The following PSG1 variants were observed in gnomAD, a reference collection of about 807,000 sequenced individuals.
The protein encoded by PSG1 is pregnancy specific beta-1-glycoprotein 1.
PSG1 carries 60 observed loss-of-function variants against 41.4 expected under a neutral mutation model. The ratio of observed to expected loss-of-function variants is 1.45; its 90% CI spans 1.18 to 1.80. The LOEUF (loss-of-function observed/expected upper bound fraction) is 1.80. Among genes scored for constraint, PSG1 ranks in the 40% most tolerant of loss-of-function variants. The pLI, the probability that PSG1 is intolerant of heterozygous loss-of-function variation, is 0.00. For missense variants in PSG1, 806 were observed against 516.9 expected, an observed-to-expected ratio of 1.56 and a Z score of -5.42; for synonymous variants, 256 against 192.9, an observed-to-expected ratio of 1.33 and a Z score of -2.71.
Position 42,876,420 on chromosome 19 carries a change from A to T in PSG1, c.430+1493T>A, listed in dbSNP as rs181939877. ...GAGGTAGTGGGGGGATGAAACATGG[A>T]TGTCAGCCTCTGAAGGACAAGGGAC... On this transcript the variant is annotated intron_variant, in intron 2 of 5. Transcript: ENST00000436291. 5.3e-5 allele frequency among the ~76,000 whole-genome samples: 8 copies of T among 151,460 alleles called. 1 individual carries two copies. The South Asian group carries it at 1.1e-3, about 20-fold the overall frequency.
intron 5 of PSG1, 86 bp from the exon 6 acceptor site, chr19:42,867,236 A>AT: frequency 2.6e-6 from 2 of 755,766 alleles, no homozygotes; most frequent in South Asian, 1.4e-5. Flanking sequence ...TTTCCACATA[A>AT]TTTTTCCCTC....
chr19:42,868,426 G>C (rs1277349215), intron 4 of PSG1, 71 bp from the exon 5 acceptor site: 10 of 1,494,398 alleles, frequency 6.7e-6, no homozygotes, highest in Non-Finnish European at 7.3e-6. Context: ...CTCTTAAAGG[G>C]ACACAGTGAC....
intron 2 of PSG1, among the ~76,000 whole-genome samples, chr19:42,875,532 C>G (rs527708015): frequency 2.6e-5 from 4 of 151,550 alleles, no homozygotes; most frequent in Admixed American, 1.3e-4. Context: ...CTCATCCATA[C>G]CTATGACTAA....
intron 5 of PSG1, chr19:42,867,700 T>A (rs772915988): frequency 7.4e-6 from 6 of 807,838 alleles, no homozygotes; most frequent in Non-Finnish European, 1.3e-5. Context: ...AAAGTAAATG[T>A]TTCAATTACG....
rs758094879 is a variant in PSG1, at chr19:42,868,124, T to G, written c.1220A>C (p.Lys407Thr). Residue 407 changes from lysine to threonine, a missense_variant, in exon 5 of 6, where the codon AAA becomes ACA. Physicochemically the swap from Lys to Thr is moderately conservative, Grantham distance 78. Transcript: ENST00000436291. ...ACCAGAGACTTCGACTGTCATGGAT[T>G]TGGAGCTTTCCTTGCCAGTGGCTGA... ...RNSATGKESS[K>T]SMTVEVSDWT... 1 of 1,612,246 alleles carries G rather than the reference T, an allele frequency of 6.2e-7. No homozygotes were observed. Among genetic ancestry groups the G allele is most frequent in the Admixed American group, 1.7e-5 (1 of 59,856 alleles).
chr19:42,877,953 C>G lies in PSG1; in HGVS notation c.390G>C (p.Gly130=). 6.2e-7 allele frequency: 1 copy of G among 1,612,364 alleles called. No homozygotes were observed. Among genetic ancestry groups the G allele is most frequent in the Non-Finnish European group, 8.5e-7 (1 of 1,179,116 alleles). The change falls in exon 2 of 6, where the codon GGG becomes GGC. Residue 130 remains glycine, a synonymous_variant. Transcript: ENST00000436291. ...YTLHIIKGDD[G]TRGVTGRFTF... is the part of the protein sequence containing the mutation. ...TGAAACGTCCAGTTACTCCTCTAGT[C>G]CCATCATCTCCCTTTATGATGTGTA...
In PSG1 at chr19:42,871,903, G is replaced by C. The variant is rs146374715; in HGVS notation, c.573C>G (p.His191Gln). ...WMNGQSLPMT[H>Q]SLKLSETNRT... ...TGTTGGTTTCGGACAGCTTCAAGCT[G>C]TGAGTCATAGGGAGGCTCTGACCAT... The change falls in exon 3 of 6, where the codon CAC becomes CAG. Residue 191 changes from histidine (H) to glutamine (Q), a missense_variant. Transcript: ENST00000436291. 1.0e-4 allele frequency: 167 copies of C among 1,612,454 alleles called. 4 individuals carry two copies. The highest frequency in any genetic ancestry group is 1.7e-4 in the Middle Eastern group (1 of 6,058).
chr19:42,867,288 T>C lies in PSG1; in HGVS notation c.1244-138A>G, dbSNP rs980165361. 8 of 675,778 alleles carry C rather than the reference T, an allele frequency of 1.2e-5. No homozygotes were observed. In the Admixed American group the frequency reaches 1.3e-4, roughly 11 times the overall value. The allele number at this position is 675,778 out of a possible 1,614,324, so 41.9% of individuals were successfully genotyped here. A position where few individuals can be genotyped will look rare whatever the true frequency, so the allele number is the denominator to read the frequency against. ...TTTACCAATGATAATTTCAGTAGAA[T>C]AAGTTTGTTTGCAAAATAGGTGGAG... On this transcript the variant is annotated intron_variant, in intron 5 of 5. Transcript: ENST00000436291.
chr19:42,873,903 C>T (rs991965601), intron 2 of PSG1, among the ~76,000 whole-genome samples: 2 of 151,782 alleles, frequency 1.3e-5, no homozygotes, highest in Admixed American at 6.6e-5. Flanking sequence ...GCTCAGGAAA[C>T]ACCACTAGAG....
In PSG1 at chr19:42,868,173, G is replaced by A. The variant is rs547281479; in HGVS notation, c.1171C>T (p.Leu391Phe). The A allele has an allele frequency of 2.5e-6, 4 of 1,612,400 alleles. No homozygotes were observed. The highest frequency in any genetic ancestry group is 1.3e-5 in the African/African-American group (1 of 74,810). The change falls in exon 5 of 6, where the codon CTC becomes TTC. Residue 391 changes from leucine to phenylalanine, a missense_variant. By Grantham distance (22) the Leu-to-Phe change is conservative (BLOSUM62 0). Transcript: ENST00000436291. ...GAGTTACGAACAGAGCAAACATAGA[G>A]CCCGCTATGCTTTGTAGTAATATGG... The part of the protein sequence containing the change: ...IRHITTKHSG[L>F]YVCSVRNSAT...
At position 42,868,781 on chromosome 19, in the gene PSG1, A is replaced by C. The variant is rs764446799; in HGVS notation, c.963T>G (p.Ser321Arg). ...AGAGGACATTCAGGGTGACTGGGTCACTGCGGATGCCACCATATCGGTCCC... is the reference window on the plus strand; with the variant it reads ...AGAGGACATTCAGGGTGACTGGGTCCCTGCGGATGCCACCATATCGGTCCC... ...EIRDRYGGIR[S>R]DPVTLNVLYG... Residue 321 changes from serine (S) to arginine (R), a missense_variant, in exon 4 of 6, where the codon AGT (serine) becomes AGG (arginine). Ser to Arg is a moderately radical substitution (Grantham distance 110). Coordinates refer to ENST00000436291, the MANE Select transcript of PSG1 (RefSeq NM_001184825.2). The C allele has an allele frequency of 3.1e-6, 5 of 1,612,018 alleles. No homozygotes were observed. In the East Asian group the frequency reaches 1.1e-4, roughly 36 times the overall value.
chr19:42,870,860 G>C (rs1971353281), intron 3 of PSG1, among the ~76,000 whole-genome samples: 1 of 151,564 alleles, frequency 6.6e-6, no homozygotes, highest in Admixed American at 6.6e-5. Context: ...TCCTTTTGAT[G>C]TTAATGTGAA....
At chr19:42,867,992 G>T (rs1176932477) in intron 5 of PSG1, 109 bp downstream of exon 5, 7 of 1,605,380 alleles carry the variant, frequency 4.4e-6, no homozygotes, top group Middle Eastern at 2.1e-4. Context: ...GGATTTGCTT[G>T]TGCCCATGGG....
rs4030951 is a variant in PSG1 at position 42,869,033 on chromosome 19, C to T, written c.711G>A (p.Pro237=). 133 of 1,606,860 alleles carry T rather than the reference C, an allele frequency of 8.3e-5. 2 individuals carry two copies. The highest frequency in any genetic ancestry group is 6.3e-4 in the Middle Eastern group (3 of 4,764). Residue 237 remains proline, a splice_region_variant and synonymous_variant, in exon 4 of 6, where the codon CCG becomes CCA. Transcript: ENST00000436291. ...RSDPVTLNLL[P]KLPKPYITIN... is the part of the protein sequence containing the mutation. ...TGGTGATGTAGGGCTTGGGCAGCTT[C>T]GCTGTGTGGATAACAGAGAGAAGAT...
chr19:42,874,003 A>G (rs4536565), intron 2 of PSG1: 81,754 of 151,044 alleles, frequency 0.54, 23,740 homozygotes, highest in African/African-American at 0.73. Context: ...TATGAAAATG[A>G]CATCATCATG....
intron 2 of PSG1, among the ~76,000 whole-genome samples, chr19:42,874,863 CTG>C (rs1164464159): frequency 1.3e-5 from 2 of 151,372 alleles, no homozygotes; most frequent in Non-Finnish European, 2.9e-5. Context: ...CCAGCCATCT[CTG>C]AGGGATTTTA....
intron 5 of PSG1, chr19:42,867,553 TATAAC>T: frequency 1.6e-6 from 1 of 635,306 alleles, no homozygotes; most frequent in Non-Finnish European, 2.8e-6. Flanking sequence ...GCATTGGTAA[TATAAC>T]CAATGATTTC....
At chr19:42,872,170 G>C (rs992118970) in intron 2 of PSG1, 125 bp from the exon 3 acceptor site, 11 of 1,368,964 alleles carry the variant, frequency 8.0e-6, no homozygotes, top group South Asian at 2.8e-5. Flanking sequence ...CCCATGGCAG[G>C]TGTGTGTGAT....
Position 42,878,113 on chromosome 19 carries a change from T to C in PSG1, c.230A>G (p.His77Arg). ...GTCTACTACATATGATGTAATGTAA[T>C]GGTAGAGGTCCCTCATTTGCCCTTT... ...WYKGQMRDLY[H>R]YITSYVVDGE... The change falls in exon 2 of 6, where the codon CAT becomes CGT. Residue 77 changes from histidine (H) to arginine (R), a missense_variant. By Grantham distance (29) the His-to-Arg change is conservative. Coordinates refer to ENST00000436291, the MANE Select transcript of PSG1 (RefSeq NM_001184825.2). 1 of 1,612,292 alleles carries C rather than the reference T, an allele frequency of 6.2e-7. No individual in the cohort carries two copies. The highest frequency in any genetic ancestry group is 8.5e-7 in the Non-Finnish European group (1 of 1,179,180).
Sources: gnomAD v4.1 joint callset for allele counts (sites outside exome capture counted in the v4.1 genomes callset) on GRCh38, gnomAD v4.1.1 for gene constraint, MANE v1.5 for transcripts, NCBI Gene and HGNC (gene_info 2026-07-23, HGNC 2026-07-21) for gene names.